Variants in TXNDC9 observed in about 807,000 individuals in gnomAD.
The protein encoded by TXNDC9 is thioredoxin domain containing 9.
A neutral mutation model predicts 23.0 loss-of-function variants in TXNDC9; 7 were observed. The observed-to-expected ratio is 0.30, with a 90% confidence interval of 0.17 to 0.57. The LOEUF is 0.57. TXNDC9 is among the 20% of genes least tolerant of loss of function. TXNDC9 has a pLI of 0.90. For missense variants in TXNDC9, 198 were observed against 252.6 expected (o/e 0.78, Z 1.47); for synonymous variants, 72 against 90.6 (o/e 0.79, Z 1.17).
the TXNDC9 span, among the ~76,000 whole-genome samples, chr2:99,309,188 C>T: frequency 6.6e-6 from 1 of 151,708 alleles, no homozygotes; most frequent in Non-Finnish European, 1.5e-5. Context: ...GCCTGGCCCG[C>T]ATGACGAAAC....
chr2:99,333,031 C>G lies in TXNDC9; in HGVS notation c.180G>C (p.Gln60His), dbSNP rs775677288. The G allele has an allele frequency of 1.2e-6, 2 of 1,613,774 alleles. No homozygotes were observed. The highest frequency in any genetic ancestry group is 2.2e-5 in the East Asian group (1 of 44,872). Residue 60 changes from glutamine to histidine, a missense_variant, in exon 2 of 5, where the codon CAG (glutamine) becomes CAC (histidine). Coordinates refer to ENST00000264255, the MANE Select transcript of TXNDC9 (RefSeq NM_005783.4). ...AGGGCAGAGAGGTTACTTGTTTCTG[C>G]TGTTGAGCTTTCCTTAGTGCCTGGA... ...KRLQALRKAQ[Q>H]QKQEWLSKGH...
chr2:99,307,003 T>TACCCTCCC, the TXNDC9 span, among the ~76,000 whole-genome samples: 1 of 113,034 alleles, frequency 8.8e-6, no homozygotes, highest in Non-Finnish European at 1.9e-5. Context: ...CCAAGTTCAA[T>TACCCTCCC]TCCCTCCCTC....
intron 1 of TXNDC9, among the ~76,000 whole-genome samples, chr2:99,334,406 T>C (rs2094233684): frequency 1.3e-5 from 2 of 152,156 alleles, no homozygotes; most frequent in Non-Finnish European, 2.9e-5. Flanking sequence ...TTCTGAGAAA[T>C]GCATCATTAG....
the TXNDC9 span, among the ~76,000 whole-genome samples, chr2:99,307,965 C>G: frequency 6.6e-6 from 1 of 152,156 alleles, no homozygotes; most frequent in Non-Finnish European, 1.5e-5. Context: ...ATTTTCTCTG[C>G]AAGCTGTGTA....
rs1019613055 is a variant in TXNDC9, at chr2:99,319,542, C to CT, written c.*139dup. On this transcript the variant is annotated 3_prime_UTR_variant, in exon 5 of 5. Coordinates refer to ENST00000264255, the MANE Select transcript of TXNDC9 (RefSeq NM_005783.4). ...GGCCACACAGAAAACAGTAAAGACA[C>CT]TTTTCGATGTGATACAACTGTATAA... 1.7e-6 allele frequency: 1 copy of CT among 602,772 alleles called. No homozygotes were observed. The highest frequency in any genetic ancestry group is 3.6e-5 in the Admixed American group (1 of 27,744). The allele number at this position is 602,772 out of a possible 1,614,324, so 37.3% of individuals were successfully genotyped here.
rs2094197011 is a variant in TXNDC9 at position 99,319,679 on chromosome 2, G to A, written c.*3C>T. 5.8e-6 allele frequency: 9 copies of A among 1,541,668 alleles called. No homozygotes were observed. Among genetic ancestry groups the A allele is most frequent in the Non-Finnish European group, 7.9e-6 (9 of 1,135,002 alleles). ...AAGACAATTTACAAAGAATTATTGA[G>A]CTCTAATCATCATCAGAGTCTGAAT... On this transcript the variant is annotated 3_prime_UTR_variant, in exon 5 of 5. Transcript: ENST00000264255.
intron 3 of TXNDC9, chr2:99,322,672 A>C (rs1559234047): frequency 2.0e-6 from 3 of 1,536,496 alleles, no homozygotes; most frequent in East Asian, 4.9e-5. Context: ...GTCAGTAAGA[A>C]GCACATTAAG....
At chr2:99,326,277 C>T (rs1342476510) in intron 3 of TXNDC9, among the ~76,000 whole-genome samples, 1 of 152,116 alleles carries the variant, frequency 6.6e-6, no homozygotes, top group East Asian at 1.9e-4. Context: ...GAATACCAGG[C>T]AATCAATTCT....
In TXNDC9 at chr2:99,336,286, A is replaced by T. The variant is rs765884107; in HGVS notation, c.-80T>A. 21 of 985,314 alleles carry T rather than the reference A, an allele frequency of 2.1e-5. No individual in the cohort carries two copies. Among genetic ancestry groups the T allele is most frequent in the Admixed American group, 6.1e-5 (1 of 16,266 alleles). 61.0% of individuals were successfully genotyped at this position (985,314 alleles called of 1,614,324 possible). On this transcript the variant is annotated 5_prime_UTR_variant, in exon 1 of 5. Transcript: ENST00000264255. ...GAAGTGAAAGAGCAGCAGTTTCAAA[A>T]GACACGTCCACTCCGGCTTTTGCCT...
chr2:99,333,350 G>A (rs1324331308), intron 1 of TXNDC9, 108 bp from the exon 2 acceptor site: 5 of 836,638 alleles, frequency 6.0e-6, no homozygotes, highest in Non-Finnish European at 9.0e-6. Context: ...ACTCTATGGA[G>A]TATTCTAACG....
the TXNDC9 span, chr2:99,306,734 C>G: frequency 2.2e-6 from 1 of 449,630 alleles, no homozygotes; most frequent in Non-Finnish European, 4.5e-6. Context: ...GAACTGGTAT[C>G]TCTCGGTGGT....
chr2:99,307,122 T>TTCTCTCTCTCTCTC, the TXNDC9 span, among the ~76,000 whole-genome samples: 2 of 108,062 alleles, frequency 1.9e-5, no homozygotes, highest in African/African-American at 6.2e-5. Flanking sequence ...CTCTCTCTCT[T>TTCTCTCTCTCTCTC]TCTCTCTCTC....
Position 99,322,166 on chromosome 2 carries a change from G to A in TXNDC9, c.352C>T (p.His118Tyr). The change falls in exon 4 of 5, where the codon CAC becomes TAC. Residue 118 changes from histidine (H) to tyrosine (Y), a missense_variant. By Grantham distance (83) the His-to-Tyr change is moderately conservative. Coordinates refer to ENST00000264255, the MANE Select transcript of TXNDC9 (RefSeq NM_005783.4). ...AGCTTCAAAAATTTGGTCTCGAGGT[G>A]TTTCTTGGACAATATTGCCAGATGT... ...DRHLAILSKK[H>Y]LETKFLKLNV... is the part of the protein sequence containing the mutation. 3 of 1,614,142 alleles carry A rather than the reference G, an allele frequency of 1.9e-6. No individual in the cohort carries two copies. The highest frequency in any genetic ancestry group is 1.1e-5 in the South Asian group (1 of 91,084).
At chr2:99,308,569 G>A in the TXNDC9 span, among the ~76,000 whole-genome samples, 5 of 151,932 alleles carry the variant, frequency 3.3e-5, no homozygotes, top group Non-Finnish European at 5.9e-5. Context: ...GAATGTTGCT[G>A]TACATGCATG....
intron 2 of TXNDC9, among the ~76,000 whole-genome samples, chr2:99,332,278 A>G (rs1027575340): frequency 6.6e-6 from 1 of 152,178 alleles, no homozygotes; most frequent in African/African-American, 2.4e-5. Flanking sequence ...CCCCATCTCT[A>G]CTAAAAATAC....
At chr2:99,329,051 C>T (rs946786670) in intron 2 of TXNDC9, among the ~76,000 whole-genome samples, 1 of 152,138 alleles carries the variant, frequency 6.6e-6, no homozygotes, top group Non-Finnish European at 1.5e-5. Flanking sequence ...AAGGAGGATA[C>T]TGCAGCTCTG....
chr2:99,329,399 G>C (rs759642461), intron 2 of TXNDC9, among the ~76,000 whole-genome samples: 3 of 152,152 alleles, frequency 2.0e-5, no homozygotes, highest in Non-Finnish European at 4.4e-5. Flanking sequence ...AAATGTGACA[G>C]AGGTCTGAAT....
chr2:99,323,342 G>A (rs1015122223), intron 3 of TXNDC9, among the ~76,000 whole-genome samples: 1 of 152,078 alleles, frequency 6.6e-6, no homozygotes, highest in Non-Finnish European at 1.5e-5. Context: ...GGGAGGTGGA[G>A]GCTGCAGTGA....
intron 3 of TXNDC9, chr2:99,322,591 T>C (rs2094205120): frequency 9.8e-6 from 15 of 1,537,116 alleles, no homozygotes; most frequent in African/African-American, 1.4e-5. Context: ...TGGTGCCATA[T>C]TTGGAAGTCA....
Sources: allele counts gnomAD v4.1 joint callset (sites outside exome capture counted in the v4.1 genomes callset), GRCh38; gene constraint gnomAD v4.1.1; transcripts MANE v1.5; gene names NCBI Gene and HGNC (gene_info 2026-07-23, HGNC 2026-07-21).